The following CD44 variants were observed in gnomAD, a reference collection of about 807,000 sequenced individuals.
CD44 encodes CD44 antigen.
In CD44, 49 loss-of-function variants were observed where a neutral mutation model predicts 88.8. The observed-to-expected ratio is 0.55, with a 90% CI of 0.44 to 0.70. The LOEUF (loss-of-function observed/expected upper bound fraction) is 0.70. Ranked by LOEUF, CD44 falls within the 30% of genes least tolerant of loss-of-function variation. The pLI is 0.00. For synonymous variants in CD44, 325 were observed against 312.3 expected (o/e 1.04, Z -0.43); for missense variants, 883 against 913.8 (o/e 0.97, Z 0.43).
chr11:35,184,943 T>C (rs933142087), intron 3 of CD44, among the ~76,000 whole-genome samples: 1 of 152,196 alleles, frequency 6.6e-6, no homozygotes, highest in African/African-American at 2.4e-5. Context: ...TTTCATCCAT[T>C]CAACACATTT....
intron 1 of CD44, among the ~76,000 whole-genome samples, chr11:35,161,718 C>T (rs1045885907): frequency 6.6e-6 from 1 of 152,200 alleles, no homozygotes; most frequent in Non-Finnish European, 1.5e-5. Context: ...TTGTTGTAGC[C>T]TTTGCCTTCC....
chr11:35,229,191 C>T lies in CD44; in HGVS notation c.2087C>T (p.Pro696Leu). Residue 696 changes from proline to leucine, a missense_variant, in exon 18 of 18, where the codon CCA (proline) becomes CTA (leucine). By Grantham distance (98) the Pro-to-Leu change is moderately conservative (BLOSUM62 -3). Coordinates refer to ENST00000428726, the MANE Select transcript of CD44 (RefSeq NM_000610.4). ...AATGGAGCTGTGGAGGACAGAAAGCCAAGTGGACTCAACGGAGAGGCCAGC... is the reference window on the plus strand; with the variant it reads ...AATGGAGCTGTGGAGGACAGAAAGCTAAGTGGACTCAACGGAGAGGCCAGC... ...SGNGAVEDRK[P>L]SGLNGEASKS... 6.2e-7 allele frequency: 1 copy of T among 1,614,038 alleles called. No homozygotes were observed. Among genetic ancestry groups the T allele is most frequent in the South Asian group, 1.1e-5 (1 of 91,066 alleles).
intron 6 of CD44, chr11:35,197,777 G>C (rs1466980871): frequency 5.2e-6 from 1 of 190,638 alleles, no homozygotes; most frequent in Admixed American, 6.0e-5. Context: ...TTGATGGCTT[G>C]GCTTTAATGG....
At position 35,221,726 on chromosome 11, in the gene CD44, G is replaced by A. The variant is rs61752932; in HGVS notation, c.2018G>A (p.Arg673Gln). 4,252 of 1,613,846 alleles carry A rather than the reference G, an allele frequency of 2.6e-3. 12 individuals carry two copies. The highest frequency in any genetic ancestry group is 2.9e-3 in the Non-Finnish European group (3,413 of 1,179,762). Residue 673 changes from arginine to glutamine, a missense_variant, in exon 17 of 18, where the codon CGA becomes CAA. Physicochemically the swap from Arg to Gln is conservative, Grantham distance 43. This residue lies in a region of CD44 where 631 missense variants were observed against 590.9 expected (regional missense o/e 1.07). Coordinates refer to ENST00000428726, the MANE Select transcript of CD44 (RefSeq NM_000610.4). ...ILAVCIAVNS[R>Q]RRCGQKKKLV... is the part of the protein sequence containing the mutation. ...GCAGTTTGCATTGCAGTCAACAGTC[G>A]AAGAAGGTAAGGGGCTGTCCTGGGG...
chr11:35,205,440 C>A (rs1009947818), intron 10 of CD44, among the ~76,000 whole-genome samples: 1 of 151,842 alleles, frequency 6.6e-6, no homozygotes, highest in Non-Finnish European at 1.5e-5. Flanking sequence ...GAATTCCTGG[C>A]AGAGCAATGG....
At chr11:35,175,437 T>C (rs1193140810) in intron 1 of CD44, among the ~76,000 whole-genome samples, 2 of 152,194 alleles carry the variant, frequency 1.3e-5, no homozygotes, top group Admixed American at 1.3e-4. Flanking sequence ...TGCAAGCATA[T>C]GTGTGAGTAT....
At position 35,180,355 on chromosome 11, in the gene CD44, C is replaced by T. The variant is rs1275800064; in HGVS notation, c.315C>T (p.Tyr105=). ...SICAANNTGV[Y]ILTSNTSQYD... is the part of the protein sequence containing the mutation. ...GTGCAGCAAACAACACAGGGGTGTA[C>T]ATCCTCACATCCAACACCTCCCAGT... The change falls in exon 3 of 18, where the codon TAC becomes TAT. Residue 105 remains tyrosine, a synonymous_variant. Coordinates refer to ENST00000428726, the MANE Select transcript of CD44 (RefSeq NM_000610.4). The T allele has an allele frequency of 1.2e-6, 2 of 1,614,012 alleles. No homozygotes were observed. The highest frequency in any genetic ancestry group is 1.7e-6 in the Non-Finnish European group (2 of 1,179,970).
At chr11:35,146,161 C>T (rs1043953631) in intron 1 of CD44, among the ~76,000 whole-genome samples, 1 of 152,048 alleles carries the variant, frequency 6.6e-6, no homozygotes, top group African/African-American at 2.4e-5. Flanking sequence ...AGTGTCCCTG[C>T]GAAGTGCAAG....
rs1947280749 is a variant in CD44, at chr11:35,201,184, C to T, written c.1025C>T (p.Thr342Ile). Residue 342 changes from threonine (T) to isoleucine (I), a missense_variant, in exon 8 of 18, where the codon ACA (threonine) becomes ATA (isoleucine). By Grantham distance (89) the Thr-to-Ile change is moderately conservative. Around this residue, in one of 2 missense-constraint regions of CD44, gnomAD observed 631 missense variants for 590.9 expected, o/e 1.07. Transcript: ENST00000428726. ...CCGGAAGTGCTACTTCAGACAACCACAAGGATGACTGGTAATGGGTTCTGC... is the reference window on the plus strand; with the variant it reads ...CCGGAAGTGCTACTTCAGACAACCATAAGGATGACTGGTAATGGGTTCTGC... ...SNPEVLLQTT[T>I]RMTDVDRNGT... 1.2e-6 allele frequency: 2 copies of T among 1,606,562 alleles called. No individual in the cohort carries two copies. The highest frequency in any genetic ancestry group is 2.2e-5 in the South Asian group (2 of 90,930).
chr11:35,226,880 C>CTTTTTTTTT (rs367551052), intron 17 of CD44, among the ~76,000 whole-genome samples: 5 of 106,212 alleles, frequency 4.7e-5, no homozygotes, highest in African/African-American at 1.2e-4. Flanking sequence ...TTCTTTTTTC[C>CTTTTTTTTT]TTTTTTTTTT....
At position 35,230,997 on chromosome 11, in the gene CD44, G is replaced by A. The variant is rs11821102; in HGVS notation, c.*1664G>A. The A allele has an allele frequency of 0.066, 10,121 of 153,820 alleles. 487 individuals carry two copies. Among genetic ancestry groups the A allele is most frequent in the African/African-American group, 0.14 (5,794 of 41,520 alleles). The allele number at this position is 153,820 out of a possible 1,614,324, so 9.5% of individuals were successfully genotyped here. A position where few individuals can be genotyped will look rare whatever the true frequency, so the allele number is the denominator to read the frequency against. ...GGCTGGGCTTAGACAGAGTTGATCT[G>A]TAGAATATCTTTAAAGGAGAGATGT... On this transcript the variant is annotated 3_prime_UTR_variant, in exon 18 of 18. Coordinates refer to ENST00000428726, the MANE Select transcript of CD44 (RefSeq NM_000610.4).
chr11:35,221,650 C>T lies in CD44; in HGVS notation c.1946-4C>T, dbSNP rs1469972966. ...ACGCATGTCATTTAATTTACTCATA[C>T]CAGAATGGCTGATCATCTTGGCATC... On this transcript the variant is annotated splice_polypyrimidine_tract_variant and splice_region_variant and intron_variant, in intron 16 of 17. Coordinates refer to ENST00000428726, the MANE Select transcript of CD44 (RefSeq NM_000610.4). The T allele has an allele frequency of 3.7e-6, 6 of 1,613,016 alleles. No homozygotes were observed. Among genetic ancestry groups the T allele is most frequent in the Non-Finnish European group, 5.1e-6 (6 of 1,179,046 alleles).
intron 5 of CD44, among the ~76,000 whole-genome samples, chr11:35,196,275 G>GT (rs908468174): frequency 2.6e-5 from 4 of 152,202 alleles, no homozygotes; most frequent in African/African-American, 9.7e-5. Context: ...CAGATTATTG[G>GT]TTTTTTAAAT....
chr11:35,193,086 G>A (rs113159671), intron 5 of CD44, among the ~76,000 whole-genome samples: 46 of 152,150 alleles, frequency 3.0e-4, no homozygotes, highest in African/African-American at 9.6e-4. Context: ...TTGTCTGGAG[G>A]CTTCATGGGT....
intron 17 of CD44, among the ~76,000 whole-genome samples, chr11:35,228,314 T>G (rs185059625): frequency 2.8e-4 from 42 of 152,346 alleles, no homozygotes; most frequent in African/African-American, 9.4e-4. Flanking sequence ...ATATCAGGGT[T>G]GTATGAGTTA....
intron 15 of CD44, 32 bp from the exon 16 acceptor site, chr11:35,219,284 C>T (rs1231775511): frequency 2.2e-5 from 35 of 1,571,488 alleles, no homozygotes; most frequent in Non-Finnish European, 2.9e-5. Context: ...ACATTTCAAA[C>T]TTTGGTTGAG....
At chr11:35,207,612 G>T (rs1366216863) in intron 11 of CD44, among the ~76,000 whole-genome samples, 1 of 152,102 alleles carries the variant, frequency 6.6e-6, no homozygotes, top group East Asian at 1.9e-4. Flanking sequence ...CCACCTAGGT[G>T]GTCTTGGATG....
chr11:35,223,772 T>C (rs1294186737), intron 17 of CD44, among the ~76,000 whole-genome samples: 1 of 152,220 alleles, frequency 6.6e-6, no homozygotes, highest in East Asian at 1.9e-4. Context: ...ATGGGCTCTG[T>C]GATTCTAAAG....
intron 1 of CD44, among the ~76,000 whole-genome samples, chr11:35,146,297 C>T (rs969254198): frequency 3.3e-5 from 5 of 152,156 alleles, no homozygotes; most frequent in African/African-American, 7.2e-5. Context: ...TGCAAAACTC[C>T]GGGGTTGAGG....
Sources: allele counts gnomAD v4.1 joint callset (sites outside exome capture counted in the v4.1 genomes callset), GRCh38; gene constraint gnomAD v4.1.1; regional missense constraint gnomAD v4.1.1; transcripts MANE v1.5; gene names NCBI Gene and HGNC (gene_info 2026-07-23, HGNC 2026-07-21).